Variants in KLHL29 observed in about 807,000 individuals in gnomAD.
KLHL29 encodes the protein kelch like family member 29, also known as kelch-like protein 29.
KLHL29 carries 21 observed loss-of-function variants against 80.4 expected under a neutral mutation model. The ratio of observed to expected loss-of-function variants is 0.26; its 90% CI spans 0.19 to 0.38. The LOEUF (loss-of-function observed/expected upper bound fraction) is 0.38, where lower values mean the gene tolerates loss of function less well. Ranked by LOEUF, KLHL29 falls within the 10% of genes least tolerant of loss-of-function variation. The pLI, the probability that KLHL29 is intolerant of heterozygous loss-of-function variation, is 1.00. For synonymous variants in KLHL29, 511 were observed against 526.8 expected (o/e 0.97, Z 0.41); for missense variants, 867 against 1,223.9 (o/e 0.71, Z 4.35).
At chr2:23,597,271 G>T (rs1196451422) in intron 3 of KLHL29, among the ~76,000 whole-genome samples, 11 of 44,990 alleles carry the variant, frequency 2.4e-4, no homozygotes, top group African/African-American at 1.0e-3. Flanking sequence ...CACCCATCTC[G>T]CTCTCAATCT....
At chr2:23,660,025 C>T (rs1183960889) in intron 5 of KLHL29, among the ~76,000 whole-genome samples, 1 of 152,166 alleles carries the variant, frequency 6.6e-6, no homozygotes, top group African/African-American at 2.4e-5. Flanking sequence ...GTGCCCCTCA[C>T]ACCACCCCTA....
At chr2:23,622,467 G>T (rs141946597) in intron 3 of KLHL29, among the ~76,000 whole-genome samples, 2 of 152,320 alleles carry the variant, frequency 1.3e-5, no homozygotes, top group East Asian at 3.9e-4. Flanking sequence ...CCGAGCCTTT[G>T]TCCTACCTAA....
chr2:23,441,151 A>G (rs529502730), intron 1 of KLHL29, among the ~76,000 whole-genome samples: 2 of 152,306 alleles, frequency 1.3e-5, no homozygotes, highest in South Asian at 2.1e-4. Flanking sequence ...ATGCAGCCAT[A>G]AAAAATGATG....
intron 1 of KLHL29, among the ~76,000 whole-genome samples, chr2:23,441,369 A>T (rs962304530): frequency 1.5e-4 from 23 of 151,648 alleles, no homozygotes; most frequent in African/African-American, 5.6e-4. Flanking sequence ...TAGGAGATAT[A>T]CTTAATGCTA....
chr2:23,433,353 G>A (rs746287681), intron 1 of KLHL29, among the ~76,000 whole-genome samples: 5 of 152,224 alleles, frequency 3.3e-5, no homozygotes, highest in Non-Finnish European at 7.3e-5. Context: ...CTTGGAGGAG[G>A]CCAAGCCTGG....
chr2:23,637,676 C>G (rs1669652217), intron 3 of KLHL29, among the ~76,000 whole-genome samples: 1 of 152,100 alleles, frequency 6.6e-6, no homozygotes, highest in Non-Finnish European at 1.5e-5. Context: ...CGTCGAAGCC[C>G]CAAGTGTTGC....
Position 23,411,677 on chromosome 2 carries a change from C to T in KLHL29, c.-154+25897C>T, listed in dbSNP as rs374438848. On this transcript the variant is annotated intron_variant, in intron 1 of 13. Transcript: ENST00000486442. Reference sequence around the variant, plus strand: ...TCTTGCATTGGGAAATGCAAGCTTGCACTGGAATCTTAACAGGTACTGCTG... The same window carrying T: ...TCTTGCATTGGGAAATGCAAGCTTGTACTGGAATCTTAACAGGTACTGCTG... 1.2e-4 allele frequency among the ~76,000 whole-genome samples: 19 copies of T among 152,206 alleles called. No homozygotes were observed. In the East Asian group the frequency reaches 3.1e-3, roughly 25 times the overall value.
In KLHL29 at chr2:23,642,735, C is replaced by G; in HGVS notation, c.825C>G (p.Pro275=). The change falls in exon 5 of 14, where the codon CCC becomes CCG. Residue 275 remains proline (P), a synonymous_variant. Coordinates refer to ENST00000486442, the MANE Select transcript of KLHL29 (RefSeq NM_052920.2). ...PPPAQPSATL[P]SGAPATNGPP... is the part of the protein sequence containing the mutation. ...CAGCCCAGCCGTCCGCCACTCTCCC[C>G]AGTGGTGCCCCTGCCACCAATGGGC... 6.5e-7 allele frequency: 1 copy of G among 1,550,094 alleles called. No homozygotes were observed. The highest frequency in any genetic ancestry group is 8.7e-7 in the Non-Finnish European group (1 of 1,146,738).
At chr2:23,389,156 G>A (rs1332177775) in intron 1 of KLHL29, among the ~76,000 whole-genome samples, 1 of 151,916 alleles carries the variant, frequency 6.6e-6, no homozygotes, top group Non-Finnish European at 1.5e-5. Context: ...AACAGCAGAG[G>A]ATTTTCCAAA....
intron 2 of KLHL29, among the ~76,000 whole-genome samples, chr2:23,554,648 C>T (rs776203356): frequency 1.3e-5 from 2 of 152,210 alleles, no homozygotes; most frequent in African/African-American, 4.8e-5. Flanking sequence ...GCCTCCATCC[C>T]GCCCATGAGC....
intron 6 of KLHL29, chr2:23,691,430 C>T: frequency 3.5e-6 from 2 of 570,512 alleles, no homozygotes; most frequent in Non-Finnish European, 6.3e-6. Context: ...TGATTTGCAT[C>T]TTTTTTTGCA....
At chr2:23,515,020 G>C (rs556151746) in intron 2 of KLHL29, among the ~76,000 whole-genome samples, 14 of 152,280 alleles carry the variant, frequency 9.2e-5, no homozygotes, top group African/African-American at 3.1e-4. Flanking sequence ...TCTGAGACAT[G>C]TCTTTTTCCC....
Position 23,431,463 on chromosome 2 carries a change from C to G in KLHL29, c.-153-44097C>G, listed in dbSNP as rs371064949. Among the ~76,000 whole-genome samples, 3 of 152,260 alleles carry G rather than the reference C, an allele frequency of 2.0e-5. No individual in the cohort carries two copies. The East Asian group carries it at 5.8e-4, about 29-fold the overall frequency. The stretch of plus-strand genomic sequence containing the variant: ...CCCAGCAGCCCCACCTCTGCCGTCT[C>G]CCGTTCCGGGACTCCCTTGACAGGC... On this transcript the variant is annotated intron_variant, in intron 1 of 13. Coordinates refer to ENST00000486442, the MANE Select transcript of KLHL29 (RefSeq NM_052920.2).
At chr2:23,513,081 G>C (rs1372355631) in intron 2 of KLHL29, among the ~76,000 whole-genome samples, 2 of 152,244 alleles carry the variant, frequency 1.3e-5, no homozygotes, top group Non-Finnish European at 2.9e-5. Context: ...CACCTCCTTA[G>C]AGCGTGGTGC....
At chr2:23,431,520 C>T (rs2879569) in intron 1 of KLHL29, among the ~76,000 whole-genome samples, 63,215 of 152,110 alleles carry the variant, frequency 0.42, 13,839 homozygotes, top group African/African-American at 0.56. Flanking sequence ...CGCCGGCAGC[C>T]GCCCCTCAGT....
At position 23,647,008 on chromosome 2, in the gene KLHL29, A is replaced by T. The variant is rs1669953294; in HGVS notation, c.940+4158A>T. Among the ~76,000 whole-genome samples the T allele has an allele frequency of 6.6e-6, 1 of 152,230 alleles. No homozygotes were observed. The highest frequency in any genetic ancestry group is 6.5e-5 in the Admixed American group (1 of 15,282). On this transcript the variant is annotated intron_variant, in intron 5 of 13. Coordinates refer to ENST00000486442, the MANE Select transcript of KLHL29 (RefSeq NM_052920.2). This position sits in a 1 kb window ranked among gnomAD's most constrained non-coding sequence, Gnocchi z 4.9. ...CAGGGTCTAGAGAGTTCAGCAGAGA[A>T]GGAGGCTAGGGAAGGGGCAGAAGGC...
chr2:23,411,854 G>T (rs1311691096), intron 1 of KLHL29, among the ~76,000 whole-genome samples: 1 of 152,136 alleles, frequency 6.6e-6, no homozygotes, highest in East Asian at 1.9e-4. Flanking sequence ...CATGGGCCCA[G>T]TCTAATAACT....
chr2:23,482,799 T>C (rs547004739), intron 2 of KLHL29, among the ~76,000 whole-genome samples: 3 of 152,212 alleles, frequency 2.0e-5, no homozygotes, highest in South Asian at 4.2e-4. Flanking sequence ...CAGCACATGG[T>C]GAAACAGAAG....
intron 1 of KLHL29, among the ~76,000 whole-genome samples, chr2:23,455,216 C>T (rs758563753): frequency 5.3e-4 from 80 of 152,220 alleles, no homozygotes; most frequent in Non-Finnish European, 1.0e-3. Context: ...AATTGTCCCA[C>T]TTCCATAATC....
Sources: gnomAD v4.1 joint callset for allele counts (sites outside exome capture counted in the v4.1 genomes callset) on GRCh38, gnomAD v4.1.1 for gene constraint, Gnocchi (gnomAD v3.1) non-coding constraint, MANE v1.5 for transcripts, NCBI Gene and HGNC (gene_info 2026-07-23, HGNC 2026-07-21) for gene names.